The following GLT1D1 variants were observed in gnomAD, a reference collection of about 807,000 sequenced individuals.
The protein encoded by GLT1D1 is glycosyltransferase 1 domain containing 1, also known as glycosyltransferase 1 domain-containing protein 1.
GLT1D1 carries 21 observed loss-of-function variants against 28.7 expected under a neutral mutation model. The ratio of observed to expected loss-of-function variants is 0.73; its 90% CI spans 0.52 to 1.05. The LOEUF is 1.05. Ranked by LOEUF, GLT1D1 falls within the 50% of genes least tolerant of loss-of-function variation. The pLI is 0.00. For missense variants in GLT1D1, 343 were observed against 330.6 expected (o/e 1.04, Z -0.29); for synonymous variants, 147 against 124.8 (o/e 1.18, Z -1.19).
intron 4 of GLT1D1, among the ~76,000 whole-genome samples, chr12:128,939,039 T>A (rs769793378): frequency 4.1e-4 from 62 of 152,208 alleles, no homozygotes; most frequent in African/African-American, 1.4e-3. Context: ...TAAGCAAACT[T>A]ACCTGAGGCC....
chr12:128,963,573 G>T (rs533007593), intron 7 of GLT1D1, among the ~76,000 whole-genome samples: 4 of 152,306 alleles, frequency 2.6e-5, no homozygotes, highest in Admixed American at 2.0e-4. Flanking sequence ...TTAAACCCGG[G>T]GGGTGGAGGT....
chr12:128,890,464 G>A (rs931798168), intron 3 of GLT1D1, among the ~76,000 whole-genome samples: 3 of 152,112 alleles, frequency 2.0e-5, no homozygotes, highest in Non-Finnish European at 4.4e-5. Context: ...TTTGTCTAAC[G>A]AATAACAATA....
In GLT1D1 at chr12:128,876,082, A is replaced by G; in HGVS notation, c.217+20A>G. The G allele has an allele frequency of 6.3e-7, 1 of 1,583,468 alleles. No homozygotes were observed. Among genetic ancestry groups the G allele is most frequent in the African/African-American group, 1.4e-5 (1 of 73,366 alleles). ...TGCAAGGTAATCCTCTTTTTCTTCA[A>G]AAGTAAAACACTAGAAATTCTGAAA... On this transcript the variant is annotated intron_variant, in intron 2 of 7. Transcript: ENST00000281703.
intron 3 of GLT1D1, among the ~76,000 whole-genome samples, chr12:128,891,390 T>C (rs1451558222): frequency 6.6e-6 from 1 of 152,164 alleles, no homozygotes; most frequent in Non-Finnish European, 1.5e-5. Flanking sequence ...TTCACCTGTG[T>C]CTAGAATAAC....
intron 1 of GLT1D1, among the ~76,000 whole-genome samples, chr12:128,874,841 C>G (rs1303213632): frequency 2.0e-5 from 3 of 152,074 alleles, no homozygotes; most frequent in African/African-American, 7.2e-5. Context: ...TTTACGAATG[C>G]TCTTTATATA....
intron 7 of GLT1D1, among the ~76,000 whole-genome samples, chr12:128,977,664 G>A (rs1879892197): frequency 6.6e-6 from 1 of 152,136 alleles, no homozygotes; most frequent in African/African-American, 2.4e-5. Flanking sequence ...TCAGGAACAG[G>A]TGAGGCTTGT....
At chr12:128,915,101 G>A (rs1013140668) in intron 4 of GLT1D1, 112 bp downstream of exon 6, 2 of 802,634 alleles carry the variant, frequency 2.5e-6, no homozygotes, top group East Asian at 2.7e-5. Context: ...GAGAGAACAA[G>A]GTTCATTTCC....
At chr12:128,914,512 C>A (rs1871889005) in intron 4 of GLT1D1, among the ~76,000 whole-genome samples, 1 of 152,128 alleles carries the variant, frequency 6.6e-6, no homozygotes, top group Non-Finnish European at 1.5e-5. Flanking sequence ...CCAGGTGCTA[C>A]TGTTATTTAA....
chr12:128,982,025 C>T (rs1446955346), intron 7 of GLT1D1, among the ~76,000 whole-genome samples: 2 of 152,162 alleles, frequency 1.3e-5, no homozygotes, highest in Middle Eastern at 3.2e-3. Context: ...GAAAATACTT[C>T]TAATTTTTTT....
At position 128,862,744 on chromosome 12, in the gene GLT1D1, G is replaced by A. The variant is rs11059983; in HGVS notation, c.68+9095G>A. On this transcript the variant is annotated intron_variant, in intron 1 of 7. Transcript: ENST00000281703. ...TGTAGGCGCTACACACAGAGCCGGC[G>A]TCAGCAGTCCCTGTCCTCAGGAGGC... 2.8e-3 allele frequency among the ~76,000 whole-genome samples: 420 copies of A among 152,310 alleles called. 1 individual carries two copies. Among genetic ancestry groups the A allele is most frequent in the African/African-American group, 9.4e-3 (389 of 41,566 alleles).
chr12:128,905,753 G>A (rs189089514), intron 4 of GLT1D1, among the ~76,000 whole-genome samples: 4 of 152,124 alleles, frequency 2.6e-5, no homozygotes, highest in Admixed American at 6.5e-5. Context: ...TGCCTAGCAC[G>A]CGTGATCAAC....
At chr12:128,915,200 A>G (rs1196112281) in intron 4 of GLT1D1, among the ~76,000 whole-genome samples, 1 of 152,136 alleles carries the variant, frequency 6.6e-6, no homozygotes, top group African/African-American at 2.4e-5. Context: ...GCCCTTTCTG[A>G]TGCTGTTTTT....
rs534884931 is a variant in GLT1D1, at chr12:128,890,050, G to A, written c.323+1306G>A. ...CGGCCTCCCAAAGTGCTGGGATTAC[G>A]GGCATGAGATACCGTGCCCAGCCTG... is the stretch of plus-strand genomic sequence containing the variant. On this transcript the variant is annotated intron_variant, in intron 3 of 7. Coordinates refer to ENST00000281703, the MANE Select transcript of GLT1D1 (RefSeq NM_144669.3). Among the ~76,000 whole-genome samples, 8 of 152,232 alleles carry A rather than the reference G, an allele frequency of 5.3e-5. No individual in the cohort carries two copies. In the South Asian group the frequency reaches 1.2e-3, roughly 24 times the overall value.
At chr12:128,923,440 T>G (rs1179034771) in intron 4 of GLT1D1, among the ~76,000 whole-genome samples, 1 of 152,146 alleles carries the variant, frequency 6.6e-6, no homozygotes, top group Non-Finnish European at 1.5e-5. Context: ...TTGGACCTTC[T>G]AATGCCTCCA....
At chr12:128,873,780 G>A (rs902662384) in intron 1 of GLT1D1, among the ~76,000 whole-genome samples, 6 of 152,080 alleles carry the variant, frequency 3.9e-5, no homozygotes, top group African/African-American at 1.4e-4. Flanking sequence ...TCTATGGACT[G>A]CAATTTTGTG....
chr12:128,873,501 T>G (rs1956751384), intron 1 of GLT1D1, among the ~76,000 whole-genome samples: 2 of 152,218 alleles, frequency 1.3e-5, no homozygotes, highest in Admixed American at 6.5e-5. Flanking sequence ...TGCATGCTTT[T>G]GCACATATAT....
At chr12:128,978,366 G>C (rs770237397) in intron 7 of GLT1D1, among the ~76,000 whole-genome samples, 1 of 152,124 alleles carries the variant, frequency 6.6e-6, no homozygotes, top group Non-Finnish European at 1.5e-5. Context: ...GCTGATGTCC[G>C]GCATGGCATG....
At chr12:128,978,366 G>A (rs770237397) in intron 7 of GLT1D1, among the ~76,000 whole-genome samples, 3 of 152,124 alleles carry the variant, frequency 2.0e-5, no homozygotes, top group Admixed American at 6.5e-5. Flanking sequence ...GCTGATGTCC[G>A]GCATGGCATG....
chr12:128,899,235 G>T lies in GLT1D1; in HGVS notation c.324-1G>T, dbSNP rs755869742. 6.2e-7 allele frequency: 1 copy of T among 1,610,846 alleles called. No homozygotes were observed. Among genetic ancestry groups the T allele is most frequent in the Admixed American group, 1.7e-5 (1 of 59,990 alleles). The stretch of plus-strand genomic sequence containing the variant: ...TTCTATTATTTTTGTTCATTTACTA[G>T]ATTTGCTGTCGCTTTCACAGAGTCA... On this transcript the variant is annotated splice_acceptor_variant, in intron 3 of 7. Transcript: ENST00000281703. LOFTEE classifies it high-confidence loss of function.
Sources: allele counts gnomAD v4.1 joint callset (sites outside exome capture counted in the v4.1 genomes callset), GRCh38; gene constraint gnomAD v4.1.1; transcripts MANE v1.5; gene names NCBI Gene and HGNC (gene_info 2026-07-23, HGNC 2026-07-21).